The following PRKAR1A variants were observed in gnomAD, a reference collection of about 807,000 sequenced individuals.
PRKAR1A encodes cAMP-dependent protein kinase type I-alpha regulatory subunit.
A neutral mutation model predicts 52.0 loss-of-function variants in PRKAR1A; 3 were observed. The observed-to-expected ratio is 0.06, with a 90% CI of 0.03 to 0.15. The LOEUF (loss-of-function observed/expected upper bound fraction) is 0.15. Ranked by LOEUF, PRKAR1A falls within the 10% of genes least tolerant of loss-of-function variation. PRKAR1A has a pLI of 1.00. For missense variants in PRKAR1A, 240 were observed against 477.4 expected, an observed-to-expected ratio of 0.50 and a Z score of 4.63; for synonymous variants, 188 against 168.4, an observed-to-expected ratio of 1.12 and a Z score of -0.90.
At chr17:68,524,601 ATT>A (rs1305245989) in intron 5 of PRKAR1A, among the ~76,000 whole-genome samples, 24 of 152,132 alleles carry the variant, frequency 1.6e-4, no homozygotes, top group Admixed American at 4.6e-4. Flanking sequence ...CAGCCTGATA[ATT>A]TGTTATTAAC....
chr17:68,544,007 A>G (rs2086432977), intron 11 of PRKAR1A, among the ~76,000 whole-genome samples: 1 of 152,276 alleles, frequency 6.6e-6, no homozygotes, highest in East Asian at 1.9e-4. Flanking sequence ...TTATTTTCAA[A>G]ACCCAGCAGT....
the PRKAR1A span, among the ~76,000 whole-genome samples, chr17:68,435,983 C>A: frequency 6.6e-6 from 1 of 152,240 alleles, no homozygotes; most frequent in Non-Finnish European, 1.5e-5. Flanking sequence ...CCGTCGCAGG[C>A]GCGCCCTGCA....
chr17:68,544,248 T>TC (rs3214286), intron 11 of PRKAR1A, among the ~76,000 whole-genome samples: 46,863 of 151,820 alleles, frequency 0.31, 7,595 homozygotes, highest in East Asian at 0.56. Flanking sequence ...TGGACCATCA[T>TC]CCCCTCAGAG....
At chr17:68,425,794 G>A in the PRKAR1A span, 1 of 356,354 alleles carries the variant, frequency 2.8e-6, no homozygotes, top group South Asian at 5.0e-5. Flanking sequence ...AGCAAAGTAA[G>A]GGATCGCAGG....
the PRKAR1A span, among the ~76,000 whole-genome samples, chr17:68,472,746 G>T: frequency 1.3e-5 from 2 of 151,508 alleles, no homozygotes; most frequent in Non-Finnish European, 2.9e-5. Context: ...AGGAGTTTGA[G>T]ACCAGCCTGG....
chr17:68,530,066 T>C, intron 10 of PRKAR1A, 65 bp downstream of exon 10: 1 of 1,557,224 alleles, frequency 6.4e-7, no homozygotes, highest in Non-Finnish European at 8.9e-7. Context: ...TGAGATATTG[T>C]AGTCTTCCAT....
At chr17:68,524,133 A>T in intron 5 of PRKAR1A, 56 bp downstream of exon 5, 2 of 1,584,498 alleles carry the variant, frequency 1.3e-6, no homozygotes, top group Non-Finnish European at 1.7e-6. Context: ...AGACTAGAGG[A>T]TTTTTTTGGT....
the PRKAR1A span, among the ~76,000 whole-genome samples, chr17:68,466,701 C>T: frequency 1.6e-4 from 25 of 152,120 alleles, no homozygotes; most frequent in Admixed American, 1.6e-3. Context: ...CGTGAGTCAC[C>T]GTGCCCAACC....
At chr17:68,437,446 T>A in the PRKAR1A span, among the ~76,000 whole-genome samples, 3 of 151,882 alleles carry the variant, frequency 2.0e-5, no homozygotes, top group Admixed American at 2.0e-4. Context: ...TCCCAGCTAC[T>A]CGGGAGGCTG....
At chr17:68,541,117 G>A (rs139326706) in intron 11 of PRKAR1A, 13 of 1,033,164 alleles carry the variant, frequency 1.3e-5, no homozygotes, top group African/African-American at 4.8e-5. Flanking sequence ...GCAAGGACGC[G>A]TAAGGCTGCA....
intron 1 of PRKAR1A, chr17:68,512,765 G>A (rs1325024611): frequency 6.6e-6 from 1 of 152,038 alleles, no homozygotes; most frequent in Non-Finnish European, 1.5e-5. Flanking sequence ...CGTTGGCTTT[G>A]GTGCGGGGCT....
intron 11 of PRKAR1A, chr17:68,539,286 G>A (rs373199897): frequency 2.4e-5 from 39 of 1,592,952 alleles, no homozygotes; most frequent in Non-Finnish European, 4.3e-6. Context: ...CAAGCAGCAT[G>A]AAGGGTCACA....
Position 68,528,554 on chromosome 17 carries a change from G to A in PRKAR1A, c.770-316G>A, listed in dbSNP as rs975735050. ...ATGACTTTTGAGTATTGTAGTTGTA[G>A]GTTTGATTTGCATTGATGGCAATCT... On this transcript the variant is annotated intron_variant, in intron 8 of 10. Coordinates refer to ENST00000589228, the MANE Select transcript of PRKAR1A (RefSeq NM_002734.5). 1.2e-5 allele frequency: 4 copies of A among 320,766 alleles called. No individual in the cohort carries two copies. The East Asian group carries it at 2.4e-4, about 19-fold the overall frequency. The allele number at this position is 320,766 out of a possible 1,614,324, so 19.9% of individuals were successfully genotyped here. A position where few individuals can be genotyped will look rare whatever the true frequency, so the allele number is the denominator to read the frequency against.
the PRKAR1A span, among the ~76,000 whole-genome samples, chr17:68,429,786 A>T: frequency 6.6e-6 from 1 of 152,074 alleles, no homozygotes; most frequent in Admixed American, 6.5e-5. Context: ...ACGGGATTTC[A>T]CCACGTTGGC....
chr17:68,535,299 A>C (rs1681729737), downstream of PRKAR1A: 1 of 454,052 alleles, frequency 2.2e-6, no homozygotes, highest in Admixed American at 2.3e-5. Context: ...TAGGTGTACC[A>C]CATATCATGG....
chr17:68,465,352 C>T, the PRKAR1A span, among the ~76,000 whole-genome samples: 1 of 152,140 alleles, frequency 6.6e-6, no homozygotes, highest in Non-Finnish European at 1.5e-5. Context: ...ATACGCTTCC[C>T]TTCTGCTGGG....
At chr17:68,465,039 C>T in the PRKAR1A span, among the ~76,000 whole-genome samples, 1 of 151,336 alleles carries the variant, frequency 6.6e-6, no homozygotes, top group South Asian at 2.1e-4. Context: ...CATTCTCCTG[C>T]CTCAGCTTCC....
At chr17:68,508,518 G>A (rs910372235), upstream of PRKAR1A, among the ~76,000 whole-genome samples, 1 of 152,148 alleles carries the variant, frequency 6.6e-6, no homozygotes, top group African/African-American at 2.4e-5. Flanking sequence ...TAGATACCTG[G>A]AACTACTAGA....
the PRKAR1A span, among the ~76,000 whole-genome samples, chr17:68,497,648 T>TG: frequency 6.6e-6 from 1 of 152,182 alleles, no homozygotes. Context: ...CCAAGTGCCG[T>TG]GCTAAGAGAA....
Sources: allele counts gnomAD v4.1 joint callset (sites outside exome capture counted in the v4.1 genomes callset), GRCh38; gene constraint gnomAD v4.1.1; transcripts MANE v1.5; gene names NCBI Gene and HGNC (gene_info 2026-07-23, HGNC 2026-07-21).